Variants in CECR2 observed in about 807,000 individuals in gnomAD.
CECR2 encodes CECR2 histone acetyl-lysine reader.
Under a neutral mutation model 154.5 loss-of-function variants are expected in CECR2, and 30 were observed. The observed-to-expected ratio is 0.19, with a 90% CI of 0.15 to 0.26. CECR2 has a LOEUF of 0.26. Ranked by LOEUF, CECR2 falls within the 10% of genes least tolerant of loss-of-function variation. CECR2 has a pLI of 1.00. For synonymous variants in CECR2, 725 were observed against 683.7 expected (o/e 1.06, Z -0.94); for missense variants, 1,743 against 1,829.3 (o/e 0.95, Z 0.86).
At chr22:17,433,382 C>T (rs1033059574) in intron 1 of CECR2, among the ~76,000 whole-genome samples, 22 of 152,122 alleles carry the variant, frequency 1.4e-4, no homozygotes, top group African/African-American at 4.6e-4. Flanking sequence ...TGTTGATTTG[C>T]TCAAAGAAGT....
chr22:17,378,320 G>T (rs1287282630), intron 1 of CECR2, among the ~76,000 whole-genome samples: 1 of 149,120 alleles, frequency 6.7e-6, no homozygotes, highest in African/African-American at 2.5e-5. Context: ...TTTGGGAGAC[G>T]GAGTTTTGCT....
At chr22:17,438,775 T>G (rs562766585) in intron 1 of CECR2, among the ~76,000 whole-genome samples, 6 of 152,334 alleles carry the variant, frequency 3.9e-5, no homozygotes, top group East Asian at 1.9e-4. Context: ...TGGGATGATT[T>G]CCAGCTGAAA....
intron 6 of CECR2, 73 bp from the exon 7 acceptor site, chr22:17,504,774 A>G (rs2055806523): frequency 7.1e-7 from 1 of 1,412,408 alleles, no homozygotes; most frequent in African/African-American, 1.4e-5. Context: ...CCACAGTAGA[A>G]ACAAAATTGA....
chr22:17,552,153 C>T lies in CECR2; in HGVS notation c.4389+11C>T. The T allele has an allele frequency of 6.2e-7, 1 of 1,608,864 alleles. No individual in the cohort carries two copies. Among genetic ancestry groups the T allele is most frequent in the Non-Finnish European group, 8.5e-7 (1 of 1,175,346 alleles). On this transcript the variant is annotated intron_variant, in intron 18 of 18. Transcript: ENST00000262608. ...CTTCCCCTGGATCAGGTAAGGATCA[C>T]TAAAAATTAGAGCTGTTCTTCTTCC... is the stretch of plus-strand genomic sequence containing the variant.
At position 17,484,405 on chromosome 22, in the gene CECR2, C is replaced by A. The variant is rs142268099; in HGVS notation, c.221+6723C>A. Among the ~76,000 whole-genome samples the A allele has an allele frequency of 6.8e-3, 1,035 of 152,218 alleles. 8 individuals carry two copies. The highest frequency in any genetic ancestry group is 0.024 in the African/African-American group (990 of 41,520). ...ATCAGCTCTGTCACTATGAAAGCAG[C>A]CATAGGCAATACAGAAAAACCAATA... On this transcript the variant is annotated intron_variant, in intron 2 of 18. Transcript: ENST00000262608.
chr22:17,431,731 C>A (rs889569617), intron 1 of CECR2, among the ~76,000 whole-genome samples: 2 of 151,534 alleles, frequency 1.3e-5, no homozygotes, highest in African/African-American at 2.4e-5. Flanking sequence ...CTTATTGATG[C>A]GTGTTGTAAC....
rs563810493 is a variant in CECR2 at position 17,377,744 on chromosome 22, A to G, written c.126+7835A>G. ...GGGATGCTATCCCTTGGATGCTTTT[A>G]TTATATCTTTATATTAGCCTCTAAC... On this transcript the variant is annotated intron_variant, in intron 1 of 18. Coordinates refer to ENST00000262608, the MANE Select transcript of CECR2 (RefSeq NM_001290047.2). Among the ~76,000 whole-genome samples, 4 of 152,266 alleles carry G rather than the reference A, an allele frequency of 2.6e-5. No homozygotes were observed. In the East Asian group the frequency reaches 5.8e-4, roughly 22 times the overall value.
intron 8 of CECR2, among the ~76,000 whole-genome samples, chr22:17,516,099 G>GT (rs1246582004): frequency 6.6e-6 from 1 of 152,054 alleles, no homozygotes; most frequent in African/African-American, 2.4e-5. Context: ...TCGTGTAAAG[G>GT]TTTTTTCACT....
chr22:17,481,111 A>T (rs2055307439), intron 2 of CECR2, among the ~76,000 whole-genome samples: 1 of 149,692 alleles, frequency 6.7e-6, no homozygotes, highest in Admixed American at 6.7e-5. Context: ...TGGGAGGTGG[A>T]GGCGGGCAGA....
At chr22:17,543,565 C>CTT (rs60659527) in intron 16 of CECR2, among the ~76,000 whole-genome samples, 3,902 of 143,574 alleles carry the variant, frequency 0.027, 77 homozygotes, top group Non-Finnish European at 0.038. Flanking sequence ...CCTCCTGAGA[C>CTT]TTTTTTTTTT....
At chr22:17,423,385 T>TA (rs1237526322) in intron 1 of CECR2, among the ~76,000 whole-genome samples, 2 of 152,078 alleles carry the variant, frequency 1.3e-5, no homozygotes, top group African/African-American at 4.8e-5. Context: ...CACACGCCTA[T>TA]AGTCCCAGCT....
At chr22:17,389,125 A>G (rs1052176635) in intron 1 of CECR2, among the ~76,000 whole-genome samples, 1 of 151,964 alleles carries the variant, frequency 6.6e-6, no homozygotes, top group Non-Finnish European at 1.5e-5. Context: ...TAAAAACTTT[A>G]TTTTTAAGTA....
At chr22:17,368,485 G>GTTTCTGGGGTGATTTTT (rs2063015900), upstream of CECR2, among the ~76,000 whole-genome samples, 1 of 151,640 alleles carries the variant, frequency 6.6e-6, no homozygotes, top group African/African-American at 2.4e-5. Flanking sequence ...CTTCTAGCCT[G>GTTTCTGGGGTGATTTTT]TTTCTGGGGT....
At chr22:17,494,973 G>A (rs1461874181) in intron 2 of CECR2, among the ~76,000 whole-genome samples, 1 of 152,026 alleles carries the variant, frequency 6.6e-6, no homozygotes, top group East Asian at 1.9e-4. Flanking sequence ...GATTACAGGC[G>A]TGAGCCACCG....
chr22:17,462,113 TAA>T (rs1454247960), intron 1 of CECR2, among the ~76,000 whole-genome samples: 2 of 151,614 alleles, frequency 1.3e-5, no homozygotes, highest in African/African-American at 2.4e-5. Flanking sequence ...TTTTTAAAGA[TAA>T]AGATCTTGAC....
chr22:17,513,425 G>A (rs185279376), intron 8 of CECR2, among the ~76,000 whole-genome samples: 3 of 152,264 alleles, frequency 2.0e-5, no homozygotes, highest in Admixed American at 2.0e-4. Flanking sequence ...TTTGAGTGAC[G>A]ACACGATGTT....
At chr22:17,489,996 T>G (rs2055496447) in intron 2 of CECR2, among the ~76,000 whole-genome samples, 1 of 152,104 alleles carries the variant, frequency 6.6e-6, no homozygotes, top group African/African-American at 2.4e-5. Context: ...TAACCCATAG[T>G]TGGCTGCATC....
At chr22:17,443,229 A>G (rs1054363875) in intron 1 of CECR2, among the ~76,000 whole-genome samples, 2 of 152,228 alleles carry the variant, frequency 1.3e-5, no homozygotes, top group Non-Finnish European at 2.9e-5. Context: ...TTGGGCATCC[A>G]GTTAGAGCTG....
intron 1 of CECR2, among the ~76,000 whole-genome samples, chr22:17,412,677 G>A (rs2054084764): frequency 6.6e-6 from 1 of 152,084 alleles, no homozygotes; most frequent in South Asian, 2.1e-4. Context: ...GGAGGCTGAG[G>A]AAACTGTCCC....
Sources: allele counts gnomAD v4.1 joint callset (sites outside exome capture counted in the v4.1 genomes callset), GRCh38; gene constraint gnomAD v4.1.1; transcripts MANE v1.5; gene names NCBI Gene and HGNC (gene_info 2026-07-23, HGNC 2026-07-21).